Variants in PLPP4 observed in about 807,000 individuals in gnomAD.
PLPP4 encodes the protein phospholipid phosphatase 4.
A neutral mutation model predicts 32.2 loss-of-function variants in PLPP4; 20 were observed. The ratio of observed to expected loss-of-function variants is 0.62; its 90% confidence interval spans 0.44 to 0.90. The LOEUF is 0.90. Among genes scored for constraint, PLPP4 ranks in the 40% least tolerant of loss-of-function variants. PLPP4 has a pLI of 0.00. For synonymous variants in PLPP4, 127 were observed against 133.0 expected, an observed-to-expected ratio of 0.95 and a Z score of 0.31; for missense variants, 257 against 353.1, an observed-to-expected ratio of 0.73 and a Z score of 2.18.
At chr10:120,532,488 T>C (rs1393474314) in intron 5 of PLPP4, among the ~76,000 whole-genome samples, 1 of 152,192 alleles carries the variant, frequency 6.6e-6, no homozygotes, top group Non-Finnish European at 1.5e-5. Flanking sequence ...ATTCACCCAT[T>C]TAAAATGGTT....
At chr10:120,467,180 G>A (rs11199358) in intron 1 of PLPP4, among the ~76,000 whole-genome samples, 38,987 of 69,326 alleles carry the variant, frequency 0.56, 13,403 homozygotes, top group East Asian at 0.86. Flanking sequence ...CCAGGTTCAC[G>A]CCATTCTCCT....
chr10:120,471,996 A>G (rs1848537704), intron 1 of PLPP4, among the ~76,000 whole-genome samples: 1 of 152,052 alleles, frequency 6.6e-6, no homozygotes, highest in Non-Finnish European at 1.5e-5. Flanking sequence ...TACAATGTAA[A>G]AATCATATGA....
intron 5 of PLPP4, among the ~76,000 whole-genome samples, chr10:120,521,458 G>A (rs936457460): frequency 1.3e-5 from 2 of 152,084 alleles, no homozygotes; most frequent in African/African-American, 2.4e-5. Context: ...CAGGTGTTGC[G>A]TGTGTGTGTA....
chr10:120,557,246 G>A (rs1564838367), intron 5 of PLPP4, among the ~76,000 whole-genome samples: 2 of 152,140 alleles, frequency 1.3e-5, no homozygotes, highest in Non-Finnish European at 2.9e-5. Context: ...TAGCAATGAA[G>A]CTTGAAATAT....
intron 5 of PLPP4, among the ~76,000 whole-genome samples, chr10:120,573,249 G>C (rs557756084): frequency 1.3e-5 from 2 of 152,250 alleles, no homozygotes; most frequent in East Asian, 3.9e-4. Context: ...ACTTTCTTTT[G>C]CTGCATCTTT....
chr10:120,466,069 A>G (rs1311397233), intron 1 of PLPP4, among the ~76,000 whole-genome samples: 15 of 152,010 alleles, frequency 9.9e-5, no homozygotes, highest in Admixed American at 9.2e-4. Flanking sequence ...TCTTCATCAG[A>G]AGTTCTTAAG....
chr10:120,523,787 G>A (rs971522171), intron 5 of PLPP4, among the ~76,000 whole-genome samples: 4 of 152,224 alleles, frequency 2.6e-5, no homozygotes, highest in African/African-American at 7.2e-5. Context: ...ACCTTAATAC[G>A]GGCTTCCAGA....
chr10:120,526,619 A>G (rs537204546), intron 5 of PLPP4, among the ~76,000 whole-genome samples: 2 of 151,984 alleles, frequency 1.3e-5, no homozygotes, highest in South Asian at 2.1e-4. Context: ...CCTATTTTCC[A>G]TCTGTTTGTT....
intron 2 of PLPP4, among the ~76,000 whole-genome samples, chr10:120,512,778 A>T (rs745675937): frequency 5.3e-5 from 8 of 151,594 alleles, no homozygotes; most frequent in Non-Finnish European, 7.4e-5. Context: ...ACTCCACTGC[A>T]CTCCAGCCTG....
At chr10:120,544,533 A>G (rs968261718) in intron 5 of PLPP4, among the ~76,000 whole-genome samples, 1 of 151,952 alleles carries the variant, frequency 6.6e-6, no homozygotes, top group Non-Finnish European at 1.5e-5. Flanking sequence ...CTTCTAGGAA[A>G]CTTCCCCTCC....
chr10:120,543,699 C>T (rs1475643620), intron 5 of PLPP4, among the ~76,000 whole-genome samples: 1 of 152,124 alleles, frequency 6.6e-6, no homozygotes, highest in Non-Finnish European at 1.5e-5. Flanking sequence ...CAGCCATCAC[C>T]ACCATCTATC....
At chr10:120,493,005 G>A (rs1161823173) in intron 1 of PLPP4, among the ~76,000 whole-genome samples, 1 of 152,136 alleles carries the variant, frequency 6.6e-6, no homozygotes, top group Admixed American at 6.5e-5. Flanking sequence ...CCTACAAAGA[G>A]GGCATTCTTC....
At chr10:120,500,893 C>T (rs1845216271) in intron 1 of PLPP4, among the ~76,000 whole-genome samples, 1 of 152,132 alleles carries the variant, frequency 6.6e-6, no homozygotes, top group African/African-American at 2.4e-5. Flanking sequence ...CACACTTTTC[C>T]CAACAAGATT....
intron 1 of PLPP4, among the ~76,000 whole-genome samples, chr10:120,490,969 C>T (rs1844692967): frequency 6.6e-6 from 1 of 152,206 alleles, no homozygotes; most frequent in Non-Finnish European, 1.5e-5. Context: ...TGATGAGTAG[C>T]ATTCTTTCCT....
At chr10:120,567,705 G>C (rs925807323) in intron 5 of PLPP4, among the ~76,000 whole-genome samples, 5 of 152,140 alleles carry the variant, frequency 3.3e-5, no homozygotes, top group African/African-American at 1.2e-4. Context: ...AGAGTTCATT[G>C]ATCCAGTTAG....
upstream of PLPP4, chr10:120,457,140 T>G (rs1292651745): frequency 3.4e-6 from 1 of 291,598 alleles, no homozygotes; most frequent in East Asian, 7.4e-5. Flanking sequence ...AGGTTTAGGC[T>G]GAGCCCTCCC....
At chr10:120,472,154 A>G (rs559965528) in intron 1 of PLPP4, among the ~76,000 whole-genome samples, 1 of 152,192 alleles carries the variant, frequency 6.6e-6, no homozygotes, top group Admixed American at 6.5e-5. Context: ...AAATTTACCA[A>G]CATATTTATC....
intron 2 of PLPP4, among the ~76,000 whole-genome samples, 174 bp downstream of exon 2, chr10:120,504,100 T>C (rs190263442): frequency 1.3e-5 from 2 of 152,348 alleles, no homozygotes; most frequent in African/African-American, 4.8e-5. Context: ...TGCTTGGTCA[T>C]GTGAGAAGTA....
chr10:120,497,933 G>A (rs1275338931), intron 1 of PLPP4, among the ~76,000 whole-genome samples: 3 of 152,034 alleles, frequency 2.0e-5, no homozygotes, highest in Admixed American at 6.6e-5. Flanking sequence ...TCAGCTACTC[G>A]GGAGCCTGAG....
Sources: allele counts gnomAD v4.1 joint callset (sites outside exome capture counted in the v4.1 genomes callset), GRCh38; gene constraint gnomAD v4.1.1; transcripts MANE v1.5; gene names NCBI Gene and HGNC (gene_info 2026-07-23, HGNC 2026-07-21).